DOCK4: variants seen among roughly 807,000 people sequenced by gnomAD.
The protein encoded by DOCK4 is dedicator of cytokinesis 4, also known as dedicator of cytokinesis protein 4.
DOCK4 carries 97 observed loss-of-function variants against 268.1 expected under a neutral mutation model. The observed-to-expected ratio is 0.36, with a 90% CI of 0.31 to 0.43. The LOEUF is 0.43. DOCK4 is among the 20% of genes least tolerant of loss of function. The pLI is 1.00. For synonymous variants in DOCK4, 954 were observed against 887.2 expected (o/e 1.08, Z -1.34); for missense variants, 2,145 against 2,455.7 (o/e 0.87, Z 2.67).
intron 16 of DOCK4, among the ~76,000 whole-genome samples, chr7:111,889,294 G>A (rs1430523486): frequency 6.6e-6 from 1 of 152,114 alleles, no homozygotes; most frequent in Non-Finnish European, 1.5e-5. Flanking sequence ...AAAGCCTGGG[G>A]AAGACAGATA....
intron 36 of DOCK4, among the ~76,000 whole-genome samples, chr7:111,770,223 CAA>C (rs756689437): frequency 1.6e-3 from 109 of 69,520 alleles, no homozygotes; most frequent in African/African-American, 4.1e-3. Context: ...GAGTGAAGAC[CAA>C]AAAAAAAAAA....
chr7:112,118,555 C>G (rs185549408), intron 1 of DOCK4, among the ~76,000 whole-genome samples: 2 of 152,186 alleles, frequency 1.3e-5, no homozygotes, highest in African/African-American at 4.8e-5. Context: ...AAACCATTGC[C>G]AAAAAAGCCT....
chr7:111,812,041 C>T, intron 27 of DOCK4, 92 bp from the exon 28 acceptor site: 1 of 645,312 alleles, frequency 1.5e-6, no homozygotes, highest in Non-Finnish European at 2.6e-6. Context: ...TAAAATAAAA[C>T]CTTCTTCAGT....
At chr7:111,755,715 C>A (rs958494355) in intron 41 of DOCK4, 114 bp from the exon 42 acceptor site, 6 of 897,884 alleles carry the variant, frequency 6.7e-6, no homozygotes, top group Non-Finnish European at 1.1e-5. Context: ...GTCAGCCTTT[C>A]TTTAGTCTTC....
intron 12 of DOCK4, among the ~76,000 whole-genome samples, chr7:111,930,123 C>T (rs976492722): frequency 2.0e-5 from 3 of 152,208 alleles, no homozygotes; most frequent in Non-Finnish European, 2.9e-5. Flanking sequence ...ATTCTCACAA[C>T]ATTGCCTTTG....
At chr7:112,180,563 G>C (rs377593069) in intron 1 of DOCK4, among the ~76,000 whole-genome samples, 28 of 152,148 alleles carry the variant, frequency 1.8e-4, no homozygotes, top group African/African-American at 6.0e-4. Context: ...AATCACCTCA[G>C]AGAAGGGTGC....
At chr7:111,935,458 T>C (rs767218907) in intron 12 of DOCK4, 82 bp downstream of exon 12, 4 of 1,232,852 alleles carry the variant, frequency 3.2e-6, no homozygotes, top group Non-Finnish European at 4.8e-6. Flanking sequence ...AAAGGGCTGA[T>C]AATTTCCTTC....
intron 1 of DOCK4, among the ~76,000 whole-genome samples, chr7:112,145,961 T>C (rs905766349): frequency 2.0e-5 from 3 of 152,202 alleles, no homozygotes; most frequent in African/African-American, 7.2e-5. Context: ...CTTATATGTT[T>C]GTTTGTGATA....
At chr7:111,731,536 C>G (rs1292212220) in intron 52 of DOCK4, among the ~76,000 whole-genome samples, 2 of 238 alleles carry the variant, frequency 8.4e-3, no homozygotes, top group Non-Finnish European at 0.018. Context: ...CGGTCTGATT[C>G]AATTTGGATA....
At chr7:112,008,622 T>C (rs1801044103) in intron 1 of DOCK4, among the ~76,000 whole-genome samples, 1 of 152,248 alleles carries the variant, frequency 6.6e-6, no homozygotes, top group African/African-American at 2.4e-5. Context: ...ATGGACATTT[T>C]AAAACTTTTA....
At chr7:112,035,273 T>C (rs1268580235) in intron 1 of DOCK4, among the ~76,000 whole-genome samples, 1 of 151,618 alleles carries the variant, frequency 6.6e-6, no homozygotes, top group East Asian at 1.9e-4. Flanking sequence ...GCCTCCACTA[T>C]GTATGAGTGA....
At chr7:112,033,874 C>T (rs929557053) in intron 1 of DOCK4, among the ~76,000 whole-genome samples, 3 of 152,098 alleles carry the variant, frequency 2.0e-5, no homozygotes, top group South Asian at 2.1e-4. Context: ...TTAATGTTTC[C>T]GTGTGAAATA....
chr7:111,954,395 G>A (rs1378308727), intron 8 of DOCK4, among the ~76,000 whole-genome samples: 1 of 152,158 alleles, frequency 6.6e-6, no homozygotes, highest in East Asian at 1.9e-4. Context: ...TGGCAGAGAT[G>A]AAGGACATTC....
chr7:112,193,155 T>G (rs1210136517), intron 1 of DOCK4, among the ~76,000 whole-genome samples: 4 of 152,092 alleles, frequency 2.6e-5, no homozygotes, highest in Non-Finnish European at 5.9e-5. Flanking sequence ...CAAAAAGAAA[T>G]GAAGCATCTG....
At chr7:111,741,243 A>T in intron 46 of DOCK4, 29 bp from the exon 47 acceptor site, 1 of 1,611,816 alleles carries the variant, frequency 6.2e-7, no homozygotes, top group Middle Eastern at 1.7e-4. Flanking sequence ...AAAGGTCATT[A>T]ACTCAGTCTC....
At chr7:111,800,876 C>G (rs1329327859) in intron 30 of DOCK4, among the ~76,000 whole-genome samples, 1 of 152,114 alleles carries the variant, frequency 6.6e-6, no homozygotes, top group Non-Finnish European at 1.5e-5. Context: ...AGGTTTACGT[C>G]TCTTTAAAGG....
intron 8 of DOCK4, among the ~76,000 whole-genome samples, chr7:111,968,739 T>G (rs1797442176): frequency 8.7e-6 from 1 of 114,534 alleles, no homozygotes; most frequent in African/African-American, 4.6e-5. Flanking sequence ...TAAATCATGC[T>G]GCTATAAAGA....
At chr7:111,950,929 T>C (rs752258194) in intron 8 of DOCK4, among the ~76,000 whole-genome samples, 1 of 152,214 alleles carries the variant, frequency 6.6e-6, no homozygotes, top group Non-Finnish European at 1.5e-5. Context: ...AGAACATTTC[T>C]AGAAACACTG....
chr7:112,003,173 G>A (rs1800577402), intron 2 of DOCK4, among the ~76,000 whole-genome samples: 1 of 152,110 alleles, frequency 6.6e-6, no homozygotes, highest in Non-Finnish European at 1.5e-5. Context: ...TTGAGGCCAA[G>A]AGTTTGAGAC....
Sources: gnomAD v4.1 joint callset for allele counts (sites outside exome capture counted in the v4.1 genomes callset) on GRCh38, gnomAD v4.1.1 for gene constraint, MANE v1.5 for transcripts, NCBI Gene and HGNC (gene_info 2026-07-23, HGNC 2026-07-21) for gene names.